Variants in GAL3ST2 observed in about 807,000 individuals in gnomAD.
GAL3ST2 encodes galactose-3-O-sulfotransferase 2, also known as beta-galactose-3-O-sulfotransferase 2.
Under a neutral mutation model 12.9 loss-of-function variants are expected in GAL3ST2, and 16 were observed. That is an observed-to-expected ratio of 1.24 (90% CI 0.84 to 1.88). The LOEUF is 1.88. GAL3ST2 is among the 40% of genes most tolerant of loss of function. The pLI, the probability that GAL3ST2 is intolerant of heterozygous loss-of-function variation, is 0.00. For synonymous variants in GAL3ST2, 302 were observed against 273.9 expected (o/e 1.10, Z -1.01); for missense variants, 639 against 571.8 (o/e 1.12, Z -1.20).
Position 241,799,161 on chromosome 2 carries a change from C to A in GAL3ST2, c.119+7C>A. On this transcript the variant is annotated splice_region_variant and intron_variant, in intron 2 of 3. Transcript: ENST00000192314. ...ACTTAGAGCTGGACACACCGTAAGT[C>A]CTGCCCCCACCATAAGTCCTGCCCC... is the stretch of plus-strand genomic sequence containing the variant. The A allele has an allele frequency of 6.2e-7, 1 of 1,612,556 alleles. No individual in the cohort carries two copies.
chr2:241,797,707 G>C (rs1699790224), intron 1 of GAL3ST2, among the ~76,000 whole-genome samples: 1 of 151,624 alleles, frequency 6.6e-6, no homozygotes, highest in African/African-American at 2.4e-5. Flanking sequence ...TCCTAACCCA[G>C]TTCCACGTCC....
chr2:241,798,979 A>T, intron 1 of GAL3ST2, 86 bp from the exon 2 acceptor site: 1 of 1,079,326 alleles, frequency 9.3e-7, no homozygotes, highest in Non-Finnish European at 1.4e-6. Flanking sequence ...TGTGTGGCCC[A>T]AGGCCTGGAC....
chr2:241,791,702 A>G (rs754384054), intron 1 of GAL3ST2, among the ~76,000 whole-genome samples: 2 of 152,344 alleles, frequency 1.3e-5, no homozygotes, highest in South Asian at 2.1e-4. Context: ...TTAAAAGCCT[A>G]TGTAAAAAGT....
At chr2:241,796,898 G>T (rs1171014736) in intron 1 of GAL3ST2, among the ~76,000 whole-genome samples, 1 of 151,264 alleles carries the variant, frequency 6.6e-6, no homozygotes, top group Admixed American at 6.6e-5. Context: ...CACAGCCCCA[G>T]GGGTGCCTTG....
intron 1 of GAL3ST2, among the ~76,000 whole-genome samples, chr2:241,790,627 A>T (rs1325232419): frequency 6.6e-6 from 1 of 152,342 alleles, no homozygotes; most frequent in East Asian, 1.9e-4. Flanking sequence ...TGAGTCTGGC[A>T]TAACAAGGAA....
In GAL3ST2 at chr2:241,800,173, T is replaced by A. The variant is rs1009413805; in HGVS notation, c.119+1019T>A. ...GAGGCTGGGGCTGAGGGTCTCTAGG[T>A]TGGGGTGCAGTGATGGGTCTGGTGG... On this transcript the variant is annotated intron_variant, in intron 2 of 3. Coordinates refer to ENST00000192314, the MANE Select transcript of GAL3ST2 (RefSeq NM_022134.3). The surrounding 1 kb of genome is among the most constrained non-coding windows in gnomAD (Gnocchi z 5.2). Among the ~76,000 whole-genome samples, 1 of 151,932 alleles carries A rather than the reference T, an allele frequency of 6.6e-6. No homozygotes were observed. Among genetic ancestry groups the A allele is most frequent in the African/African-American group, 2.4e-5 (1 of 41,354 alleles).
chr2:241,786,136 C>CTT (rs1266234529), intron 1 of GAL3ST2, among the ~76,000 whole-genome samples: 1 of 118,242 alleles, frequency 8.5e-6, no homozygotes, highest in Non-Finnish European at 1.6e-5. Context: ...CACCACACAC[C>CTT]TTTTGTGTGT....
At chr2:241,792,489 A>G (rs1446708708) in intron 1 of GAL3ST2, among the ~76,000 whole-genome samples, 1 of 152,154 alleles carries the variant, frequency 6.6e-6, no homozygotes, top group African/African-American at 2.4e-5. Context: ...TATGGACTTT[A>G]AAGTTATGTG....
At chr2:241,777,409 G>A (rs1236324784) in intron 1 of GAL3ST2, among the ~76,000 whole-genome samples, 2 of 152,192 alleles carry the variant, frequency 1.3e-5, no homozygotes, top group African/African-American at 4.8e-5. Flanking sequence ...TGCGCTTCAG[G>A]ATGCTCCCGG....
chr2:241,794,414 A>G (rs1699745706), intron 1 of GAL3ST2, among the ~76,000 whole-genome samples: 1 of 152,032 alleles, frequency 6.6e-6, no homozygotes, highest in Non-Finnish European at 1.5e-5. Flanking sequence ...CTCTGTCCCC[A>G]CTGGAACTGG....
intron 1 of GAL3ST2, among the ~76,000 whole-genome samples, chr2:241,784,709 A>T (rs1255528589): frequency 6.6e-6 from 1 of 152,216 alleles, no homozygotes; most frequent in Non-Finnish European, 1.5e-5. Flanking sequence ...ACATAGACAT[A>T]TTAGGCACAC....
rs1467374657 is a variant in GAL3ST2, at chr2:241,802,007, T to G, written c.346T>G (p.Cys116Gly). 1 of 1,612,210 alleles carries G rather than the reference T, an allele frequency of 6.2e-7. No individual in the cohort carries two copies. The highest frequency in any genetic ancestry group is 8.5e-7 in the Non-Finnish European group (1 of 1,179,674). The change falls in exon 3 of 4, where the codon TGC becomes GGC. Residue 116 changes from cysteine (C) to glycine (G), a missense_variant. Physicochemically the swap from Cys to Gly is radical, Grantham distance 159. Transcript: ENST00000192314. The surrounding 1 kb of genome is among the most constrained non-coding windows in gnomAD (Gnocchi z 4.8). ...GTCGCAGCAGCGCTTCAACATCATG[T>G]GCAACCACCTGAGGTTCAACCTGCC... ...VGSQQRFNIM[C>G]NHLRFNLPQV...
chr2:241,779,215 T>A (rs61588536), intron 1 of GAL3ST2, among the ~76,000 whole-genome samples: 1 of 7,662 alleles, frequency 1.3e-4, no homozygotes, highest in African/African-American at 3.7e-4. Flanking sequence ...GGAAAGCTCA[T>A]TTTTTTTTTT....
In GAL3ST2 at chr2:241,776,869, G is replaced by A; in HGVS notation, c.-87G>A. ...ACCCTGCCTGTGCCTGCACCCTGGGGAGCCCAGAGCCGGCAGGGGCCGAGG... is the reference window on the plus strand; with the variant it reads ...ACCCTGCCTGTGCCTGCACCCTGGGAAGCCCAGAGCCGGCAGGGGCCGAGG... On this transcript the variant is annotated 5_prime_UTR_variant, in exon 1 of 4. Transcript: ENST00000192314. 1 of 1,209,742 alleles carries A rather than the reference G, an allele frequency of 8.3e-7. No individual in the cohort carries two copies. Among genetic ancestry groups the A allele is most frequent in the Non-Finnish European group, 1.1e-6 (1 of 917,200 alleles). The allele number at this position is 1,209,742 out of a possible 1,614,324, so 74.9% of individuals were successfully genotyped here. A position where few individuals can be genotyped will look rare whatever the true frequency, so the allele number is the denominator to read the frequency against.
At chr2:241,803,191 G>A (rs968641455) in intron 3 of GAL3ST2, among the ~76,000 whole-genome samples, 154 bp from the exon 4 acceptor site, 6 of 152,206 alleles carry the variant, frequency 3.9e-5, no homozygotes, top group Non-Finnish European at 8.8e-5. Flanking sequence ...TCCCGGAGCT[G>A]CCGCACGAGA....
At chr2:241,785,633 C>A (rs1269137065) in intron 1 of GAL3ST2, among the ~76,000 whole-genome samples, 3 of 151,412 alleles carry the variant, frequency 2.0e-5, no homozygotes, top group African/African-American at 4.9e-5. Flanking sequence ...GGGAGTCTGG[C>A]ACCTTCTTGG....
rs1699735621 is a variant in GAL3ST2 at position 241,793,747 on chromosome 2, TGTGTGTATTGTGTATGTGTA to T, written c.30-5308_30-5289del. Reference sequence around the variant, plus strand: ...GTGTGTATGTGTGTATATGTATGTGTGTGTGTATTGTGTATGTGTAGTGTGTATTATTTGTGTGTGTGTGT... The same window carrying T: ...GTGTGTATGTGTGTATATGTATGTGTGTGTGTATTATTTGTGTGTGTGTGT... On this transcript the variant is annotated intron_variant, in intron 1 of 3. Coordinates refer to ENST00000192314, the MANE Select transcript of GAL3ST2 (RefSeq NM_022134.3). This position sits in a 1 kb window ranked among gnomAD's most constrained non-coding sequence, Gnocchi z 4.7. 6.6e-6 allele frequency among the ~76,000 whole-genome samples: 1 copy of T among 151,902 alleles called. No homozygotes were observed. The highest frequency in any genetic ancestry group is 2.4e-5 in the African/African-American group (1 of 41,348).
chr2:241,786,013 A>G (rs2125190859), intron 1 of GAL3ST2, among the ~76,000 whole-genome samples: 1 of 152,330 alleles, frequency 6.6e-6, no homozygotes, highest in East Asian at 1.9e-4. Flanking sequence ...TTGCTCTTTC[A>G]ATTTGGTCTG....
At chr2:241,786,755 A>G (rs1418548027) in intron 1 of GAL3ST2, among the ~76,000 whole-genome samples, 1 of 152,200 alleles carries the variant, frequency 6.6e-6, no homozygotes, top group African/African-American at 2.4e-5. Context: ...TCATGTCAGT[A>G]CCAAGCTCCG....
Sources: gnomAD v4.1 joint callset for allele counts (sites outside exome capture counted in the v4.1 genomes callset) on GRCh38, gnomAD v4.1.1 for gene constraint, Gnocchi (gnomAD v3.1) non-coding constraint, MANE v1.5 for transcripts, NCBI Gene and HGNC (gene_info 2026-07-23, HGNC 2026-07-21) for gene names.